Variants in AMPH observed in about 807,000 individuals in gnomAD.
AMPH encodes the protein amphiphysin, also known as amphiphysin (Stiff-Mann syndrome with breast cancer 128kD autoantigen).
AMPH carries 49 observed loss-of-function variants against 99.1 expected under a neutral mutation model. The observed-to-expected ratio is 0.49, with a 90% confidence interval of 0.39 to 0.63. The LOEUF is 0.63. Among genes scored for constraint, AMPH ranks in the 20% least tolerant of loss-of-function variants. AMPH has a pLI of 0.00. For missense variants in AMPH, 759 were observed against 863.4 expected, an observed-to-expected ratio of 0.88 and a Z score of 1.52; for synonymous variants, 314 against 317.3, an observed-to-expected ratio of 0.99 and a Z score of 0.11.
In AMPH at chr7:38,473,690, G is replaced by A. The variant is rs1342579035; in HGVS notation, c.590+1641C>T. On this transcript the variant is annotated intron_variant, in intron 7 of 20. Coordinates refer to ENST00000356264, the MANE Select transcript of AMPH (RefSeq NM_001635.4). ...CTGCAGTCCGCAGTCCGACCTGGGC[G>A]ACAGAGCGAGACTCCGTCTCAAAAA... Among the ~76,000 whole-genome samples the A allele has an allele frequency of 2.2e-4, 9 of 40,000 alleles. No individual in the cohort carries two copies. The Admixed American group carries it at 3.5e-3, about 16-fold the overall frequency. The allele number at this position is 40,000 out of a possible 152,430, so 26.2% of individuals were successfully genotyped here.
At chr7:38,506,582 C>T (rs913799023) in intron 2 of AMPH, among the ~76,000 whole-genome samples, 8 of 152,186 alleles carry the variant, frequency 5.3e-5, no homozygotes, top group African/African-American at 1.9e-4. Context: ...CTAAAAGGTA[C>T]AATTAGGAGG....
intron 11 of AMPH, among the ~76,000 whole-genome samples, chr7:38,459,375 G>A (rs1193070838): frequency 6.6e-6 from 1 of 151,978 alleles, no homozygotes; most frequent in Non-Finnish European, 1.5e-5. Flanking sequence ...CAAAAAAAGA[G>A]CCAAAATAGC....
intron 3 of AMPH, among the ~76,000 whole-genome samples, chr7:38,500,523 C>T (rs1421565739): frequency 6.6e-6 from 1 of 152,116 alleles, no homozygotes; most frequent in Non-Finnish European, 1.5e-5. Context: ...TCTTCTAGAT[C>T]ACATTAAGGA....
intron 1 of AMPH, among the ~76,000 whole-genome samples, chr7:38,568,255 G>A (rs1332380202): frequency 1.3e-5 from 2 of 152,162 alleles, no homozygotes; most frequent in African/African-American, 4.8e-5. Context: ...CACGAGGTCA[G>A]GAGATCGAGA....
At chr7:38,524,642 A>G (rs563714167) in intron 2 of AMPH, among the ~76,000 whole-genome samples, 23 of 152,312 alleles carry the variant, frequency 1.5e-4, no homozygotes, top group African/African-American at 4.6e-4. Flanking sequence ...ATTCATATAT[A>G]GATAGAATGA....
intron 16 of AMPH, among the ~76,000 whole-genome samples, chr7:38,419,682 G>C (rs556567656): frequency 6.6e-6 from 1 of 152,100 alleles, no homozygotes; most frequent in East Asian, 1.9e-4. Context: ...ATGACAGCCT[G>C]GTATCAAATG....
At chr7:38,542,758 CCAG>C (rs1323507763) in intron 1 of AMPH, among the ~76,000 whole-genome samples, 1 of 152,042 alleles carries the variant, frequency 6.6e-6, no homozygotes, top group Non-Finnish European at 1.5e-5. Context: ...GAGTTGGAGA[CCAG>C]CCTGAGCAAC....
intron 1 of AMPH, among the ~76,000 whole-genome samples, chr7:38,562,594 C>T (rs139957210): frequency 6.6e-6 from 1 of 151,470 alleles, no homozygotes; most frequent in East Asian, 1.9e-4. Flanking sequence ...CAGTCTCAGC[C>T]TCTGAGGCAA....
rs1199112654 is a variant in AMPH, at chr7:38,417,859, T to A, written c.1364A>T (p.Asp455Val). ...CTCCACTGGCTCCTCAGCCCGAGTG[T>A]CCATTCCAAGGTCCAGACCAACGGC... ...TPAVGLDLGMDTRAEEPVEEA... is the reference protein window; with the variant it reads ...TPAVGLDLGMVTRAEEPVEEA... The change falls in exon 17 of 21, where the codon GAC (aspartate) becomes GTC (valine). Residue 455 changes from aspartate to valine, a missense_variant. By Grantham distance (152) the Asp-to-Val change is radical. Around this residue, in one of 2 missense-constraint regions of AMPH, gnomAD observed 554 missense variants for 575.6 expected, o/e 0.96. Coordinates refer to ENST00000356264, the MANE Select transcript of AMPH (RefSeq NM_001635.4). 6.2e-7 allele frequency: 1 copy of A among 1,614,108 alleles called. No individual in the cohort carries two copies. The highest frequency in any genetic ancestry group is 8.5e-7 in the Non-Finnish European group (1 of 1,179,984).
intron 1 of AMPH, among the ~76,000 whole-genome samples, chr7:38,574,685 G>C (rs1562837911): frequency 6.6e-6 from 1 of 152,086 alleles, no homozygotes; most frequent in Non-Finnish European, 1.5e-5. Context: ...TAGGACGATG[G>C]GTGAGATTTT....
chr7:38,501,682 CA>C (rs1306220318), intron 3 of AMPH, among the ~76,000 whole-genome samples: 1 of 151,582 alleles, frequency 6.6e-6, no homozygotes, highest in East Asian at 1.9e-4. Context: ...TATTTAATAA[CA>C]TGTTTATATT....
At chr7:38,493,073 T>G (rs1322282649) in intron 4 of AMPH, among the ~76,000 whole-genome samples, 1 of 152,204 alleles carries the variant, frequency 6.6e-6, no homozygotes. Flanking sequence ...TCCTCATAAA[T>G]AAATCTCTGT....
At chr7:38,429,314 C>G (rs940488638) in intron 14 of AMPH, 2 of 1,288,072 alleles carry the variant, frequency 1.6e-6, no homozygotes, top group African/African-American at 1.5e-5. Context: ...CATGCTCACT[C>G]TCTTCAGCTA....
intron 15 of AMPH, among the ~76,000 whole-genome samples, chr7:38,425,352 T>C (rs1327443912): frequency 1.3e-5 from 2 of 152,182 alleles, no homozygotes; most frequent in Non-Finnish European, 2.9e-5. Flanking sequence ...TGAAACTGAT[T>C]GAATGTCTAG....
At position 38,610,363 on chromosome 7, in the gene AMPH, GAAAAGAAAA is replaced by G. The variant is rs1562860678; in HGVS notation, c.69+20911_69+20919del. ...GAAAAGAAAAGAAAAGAAAAGAAAAGAAAAGAAAAGAAAGGAAAGGAAAAGAAAAGAAAA... is the reference window on the plus strand; with the variant it reads ...GAAAAGAAAAGAAAAGAAAAGAAAAGGAAAGGAAAGGAAAAGAAAAGAAAA... On this transcript the variant is annotated intron_variant, in intron 1 of 20. Transcript: ENST00000356264. 1.1e-3 allele frequency among the ~76,000 whole-genome samples: 45 copies of G among 39,848 alleles called. 2 individuals are homozygous for G. The highest frequency in any genetic ancestry group is 2.7e-3 in the Admixed American group (11 of 4,118). 26.1% of individuals were successfully genotyped at this position (39,848 alleles called of 152,430 possible). A position where few individuals can be genotyped will look rare whatever the true frequency, so the allele number is the denominator to read the frequency against.
intron 1 of AMPH, among the ~76,000 whole-genome samples, chr7:38,547,946 G>A (rs1584232106): frequency 2.0e-5 from 3 of 152,070 alleles, no homozygotes; most frequent in Non-Finnish European, 1.5e-5. Context: ...CCAGATATAC[G>A]CATTTGTCTC....
Position 38,384,790 on chromosome 7 carries a change from T to G in AMPH, c.*28A>C. On this transcript the variant is annotated 3_prime_UTR_variant, in exon 21 of 21. Coordinates refer to ENST00000356264, the MANE Select transcript of AMPH (RefSeq NM_001635.4). ...CATGAAGGTTTAAAAACCCCGTAAC[T>G]GAGCTCCTTCTTGCAGTACTTGTTG... 5.1e-6 allele frequency: 8 copies of G among 1,580,262 alleles called. No homozygotes were observed. The highest frequency in any genetic ancestry group is 1.1e-5 in the South Asian group (1 of 90,248).
intron 8 of AMPH, among the ~76,000 whole-genome samples, 178 bp from the exon 9 acceptor site, chr7:38,465,727 GAAAC>G (rs1350874161): frequency 6.6e-6 from 1 of 152,120 alleles, no homozygotes; most frequent in African/African-American, 2.4e-5. Context: ...TGTCAAAACT[GAAAC>G]AAACGAAACA....
At chr7:38,453,390 G>A (rs527338391) in intron 11 of AMPH, among the ~76,000 whole-genome samples, 25 of 152,154 alleles carry the variant, frequency 1.6e-4, no homozygotes, top group African/African-American at 5.8e-4. Flanking sequence ...GCAGACCCGG[G>A]AATAGTGTCC....
Sources: gnomAD v4.1 joint callset for allele counts (sites outside exome capture counted in the v4.1 genomes callset) on GRCh38, gnomAD v4.1.1 for gene constraint, gnomAD v4.1.1 regional missense constraint, MANE v1.5 for transcripts, NCBI Gene and HGNC (gene_info 2026-07-23, HGNC 2026-07-21) for gene names.